Variants in PTPRJ observed in about 807,000 individuals in gnomAD.
PTPRJ encodes receptor-type tyrosine-protein phosphatase eta.
In PTPRJ, 129 loss-of-function variants were observed where a neutral mutation model predicts 141.3. That is an observed-to-expected ratio of 0.91 (90% CI 0.79 to 1.06). The LOEUF is 1.06. Ranked by LOEUF, PTPRJ falls within the 50% of genes least tolerant of loss-of-function variation. The pLI is 0.00. For missense variants in PTPRJ, 1,601 were observed against 1,679.7 expected (o/e 0.95, Z 0.82); for synonymous variants, 610 against 640.5 (o/e 0.95, Z 0.72).
chr11:48,168,578 AT>A lies in PTPRJ; in HGVS notation c.*1217del, dbSNP rs1857979928. On this transcript the variant is annotated 3_prime_UTR_variant, in exon 25 of 25. Coordinates refer to ENST00000418331, the MANE Select transcript of PTPRJ (RefSeq NM_002843.4). ...TATATATATATATATATATATATAT[AT>A]ATACACTAAGCTCTCAAAAACAGTC... The A allele has an allele frequency of 7.9e-6, 1 of 126,984 alleles. No individual in the cohort carries two copies. 7.9% of individuals were successfully genotyped at this position (126,984 alleles called of 1,614,324 possible). A position where few individuals can be genotyped will look rare whatever the true frequency, so the allele number is the denominator to read the frequency against.
chr11:48,156,979 G>T (rs1392898530), intron 21 of PTPRJ, among the ~76,000 whole-genome samples: 1 of 151,482 alleles, frequency 6.6e-6, no homozygotes. Context: ...TCCCTCTTCT[G>T]CTTCCATCAA....
At chr11:48,012,734 T>C (rs1854838881) in intron 1 of PTPRJ, among the ~76,000 whole-genome samples, 1 of 152,138 alleles carries the variant, frequency 6.6e-6, no homozygotes, top group South Asian at 2.1e-4. Flanking sequence ...AATTTGCATA[T>C]TTTTGATGGC....
chr11:48,091,318 C>G (rs1364757595), intron 1 of PTPRJ, among the ~76,000 whole-genome samples: 1 of 152,170 alleles, frequency 6.6e-6, no homozygotes, highest in Non-Finnish European at 1.5e-5. Flanking sequence ...GGAATGTTTC[C>G]TGGCCTAGGG....
chr11:48,121,524 C>T (rs915562836), intron 4 of PTPRJ, among the ~76,000 whole-genome samples: 6 of 152,140 alleles, frequency 3.9e-5, no homozygotes, highest in Non-Finnish European at 5.9e-5. Flanking sequence ...TAACACCTAC[C>T]TTTCTGTTAA....
At position 48,051,295 on chromosome 11, in the gene PTPRJ, A is replaced by G. The variant is rs560420753; in HGVS notation, c.97-58763A>G. Reference sequence around the variant, plus strand: ...TTTTTGGTAAAGTCAGGGTTTTGCCATGCTGCTCAGGCTGGTGTCGAACTC... The same window carrying G: ...TTTTTGGTAAAGTCAGGGTTTTGCCGTGCTGCTCAGGCTGGTGTCGAACTC... On this transcript the variant is annotated intron_variant, in intron 1 of 24. Coordinates refer to ENST00000418331, the MANE Select transcript of PTPRJ (RefSeq NM_002843.4). Among the ~76,000 whole-genome samples the G allele has an allele frequency of 2.3e-4, 35 of 152,026 alleles. 1 individual carries two copies. In the East Asian group the frequency reaches 5.6e-3, roughly 24 times the overall value.
At chr11:47,995,848 A>C (rs1032896444) in intron 1 of PTPRJ, among the ~76,000 whole-genome samples, 13 of 148,600 alleles carry the variant, frequency 8.7e-5, no homozygotes, top group Admixed American at 4.7e-4. Context: ...GACCAGCCTG[A>C]CCAACATGGT....
At chr11:48,066,026 A>C (rs959098547) in intron 1 of PTPRJ, among the ~76,000 whole-genome samples, 3 of 152,216 alleles carry the variant, frequency 2.0e-5, no homozygotes, top group African/African-American at 7.2e-5. Context: ...GTGCACCTGT[A>C]GTCCCAGCTA....
At chr11:48,067,583 G>A (rs957864326) in intron 1 of PTPRJ, among the ~76,000 whole-genome samples, 1 of 152,132 alleles carries the variant, frequency 6.6e-6, no homozygotes, top group Non-Finnish European at 1.5e-5. Context: ...GATTTGACAG[G>A]CCAGGCAACA....
intron 1 of PTPRJ, among the ~76,000 whole-genome samples, chr11:48,086,419 G>T (rs998084084): frequency 2.0e-4 from 31 of 152,346 alleles, no homozygotes; most frequent in African/African-American, 7.5e-4. Flanking sequence ...TGATCCACTC[G>T]CTTCGGCCTC....
Position 48,163,517 on chromosome 11 carries a change from C to T in PTPRJ, c.3618C>T (p.His1206=), listed in dbSNP as rs202180005. The change falls in exon 23 of 25, where the codon CAC becomes CAT. Residue 1206 remains histidine (H), a synonymous_variant. Coordinates refer to ENST00000418331, the MANE Select transcript of PTPRJ (RefSeq NM_002843.4). ...TCCATTTCACCTCCTGGCCAGACCACGGTGTTCCCGACACCACTGACCTGC... is the reference window on the plus strand; with the variant it reads ...TCCATTTCACCTCCTGGCCAGACCATGGTGTTCCCGACACCACTGACCTGC... The part of the protein sequence containing the change: ...RQFHFTSWPD[H]GVPDTTDLLI... 1.1e-5 allele frequency: 18 copies of T among 1,613,872 alleles called. No homozygotes were observed. Among genetic ancestry groups the T allele is most frequent in the South Asian group, 5.5e-5 (5 of 91,074 alleles).
At chr11:48,102,017 A>G (rs1184593094) in intron 1 of PTPRJ, among the ~76,000 whole-genome samples, 4 of 152,198 alleles carry the variant, frequency 2.6e-5, no homozygotes, top group Non-Finnish European at 5.9e-5. Flanking sequence ...AGACACTTGG[A>G]AAGTAAACAG....
At chr11:48,030,600 G>A (rs565860110) in intron 1 of PTPRJ, among the ~76,000 whole-genome samples, 131 of 152,268 alleles carry the variant, frequency 8.6e-4, no homozygotes, top group African/African-American at 2.9e-3. Context: ...AAATTTAGCC[G>A]GGCATGGTGG....
In PTPRJ at chr11:48,020,750, GC is replaced by G. The variant is rs1247234177; in HGVS notation, c.96+39743del. ...ATCACGGACTGAGTTGGGTCCCAAT[GC>G]TGGATGTCCCTACTCTTCCTCCTGC... On this transcript the variant is annotated intron_variant, in intron 1 of 24. Coordinates refer to ENST00000418331, the MANE Select transcript of PTPRJ (RefSeq NM_002843.4). Among the ~76,000 whole-genome samples the G allele has an allele frequency of 6.6e-5, 10 of 152,296 alleles. No individual in the cohort carries two copies. The East Asian group carries it at 1.9e-3, about 29-fold the overall frequency.
At chr11:48,132,563 A>G (rs565899711) in intron 8 of PTPRJ, 4 of 976,040 alleles carry the variant, frequency 4.1e-6, no homozygotes, top group East Asian at 2.3e-4. Context: ...TCTTTTATAC[A>G]GAGGGTAGAA....
intron 1 of PTPRJ, among the ~76,000 whole-genome samples, chr11:48,102,764 G>T (rs927012652): frequency 1.1e-4 from 17 of 152,030 alleles, no homozygotes; most frequent in Non-Finnish European, 2.2e-4. Flanking sequence ...AAACATCACA[G>T]GTCAAGCAAT....
intron 22 of PTPRJ, among the ~76,000 whole-genome samples, chr11:48,160,445 T>C (rs537656374): frequency 6.6e-6 from 1 of 152,322 alleles, no homozygotes; most frequent in African/African-American, 2.4e-5. Context: ...TTGATAACAG[T>C]TACATTAATA....
At chr11:48,116,956 G>C (rs1856579867) in intron 3 of PTPRJ, among the ~76,000 whole-genome samples, 1 of 152,156 alleles carries the variant, frequency 6.6e-6, no homozygotes, top group Admixed American at 6.5e-5. Context: ...ATTGCTGTGA[G>C]ACATAAATTA....
Position 48,130,629 on chromosome 11 carries a change from T to C in PTPRJ, c.1528T>C (p.Phe510Leu), listed in dbSNP as rs763966814. 33 of 1,613,948 alleles carry C rather than the reference T, an allele frequency of 2.0e-5. No individual in the cohort carries two copies. The highest frequency in any genetic ancestry group is 2.5e-5 in the Non-Finnish European group (30 of 1,179,986). ...TNQSIIIGGL[F>L]PGTKYCFEIV... ...CCAAAGTATTATCATTGGTGGCTTG[T>C]TCCCTGGAACCAAGTATTGCTTTGA... Residue 510 changes from phenylalanine (F) to leucine (L), a missense_variant, in exon 8 of 25, where the codon TTC (phenylalanine) becomes CTC (leucine). Transcript: ENST00000418331.
intron 1 of PTPRJ, among the ~76,000 whole-genome samples, chr11:48,091,000 C>T (rs1855855419): frequency 6.6e-6 from 1 of 152,196 alleles, no homozygotes; most frequent in Admixed American, 6.5e-5. Context: ...GGCTGTTTGT[C>T]ATACCACATT....
Sources: allele counts gnomAD v4.1 joint callset (sites outside exome capture counted in the v4.1 genomes callset), GRCh38; gene constraint gnomAD v4.1.1; transcripts MANE v1.5; gene names NCBI Gene and HGNC (gene_info 2026-07-23, HGNC 2026-07-21).